The following UBAP2L variants were observed in gnomAD, a reference collection of about 807,000 sequenced individuals.
UBAP2L encodes ubiquitin-associated protein 2-like.
UBAP2L carries 12 observed loss-of-function variants against 130.6 expected under a neutral mutation model. The observed-to-expected ratio is 0.09, with a 90% CI of 0.06 to 0.15. UBAP2L has a LOEUF of 0.15. Among genes scored for constraint, UBAP2L ranks in the 10% least tolerant of loss-of-function variants. The pLI, the probability that UBAP2L is intolerant of heterozygous loss-of-function variation, is 1.00. For synonymous variants in UBAP2L, 503 were observed against 524.7 expected, an observed-to-expected ratio of 0.96 and a Z score of 0.57; for missense variants, 965 against 1,332.5, an observed-to-expected ratio of 0.72 and a Z score of 4.29.
At chr1:154,252,392 T>C (rs1040160235) in intron 14 of UBAP2L, among the ~76,000 whole-genome samples, 1 of 151,294 alleles carries the variant, frequency 6.6e-6, no homozygotes, top group Non-Finnish European at 1.5e-5. Context: ...GCAATTCTCC[T>C]GCCTCAGCTT....
chr1:154,235,342 A>G, intron 6 of UBAP2L, 51 bp downstream of exon 6: 1 of 710,420 alleles, frequency 1.4e-6, no homozygotes, highest in South Asian at 1.6e-5. Context: ...CTCTTTATTC[A>G]TTAATGGTCT....
chr1:154,239,630 A>G (rs1672835218), intron 8 of UBAP2L, among the ~76,000 whole-genome samples: 1 of 152,206 alleles, frequency 6.6e-6, no homozygotes, highest in Non-Finnish European at 1.5e-5. Context: ...CCTGAATAGG[A>G]ACATACCAGT....
At position 154,261,121 on chromosome 1, in the gene UBAP2L, G is replaced by T; in HGVS notation, c.2796+12G>T. The T allele has an allele frequency of 1.9e-6, 3 of 1,612,054 alleles. No homozygotes were observed. The highest frequency in any genetic ancestry group is 2.5e-6 in the Non-Finnish European group (3 of 1,178,698). Reference sequence around the variant, plus strand: ...CTGCTGTGTTCCCTGTGAGTACCTGGCTTTGGTCACTCCTTGTGGTGAAGG... The same window carrying T: ...CTGCTGTGTTCCCTGTGAGTACCTGTCTTTGGTCACTCCTTGTGGTGAAGG... On this transcript the variant is annotated intron_variant, in intron 23 of 26. Coordinates refer to ENST00000428931, the MANE Select transcript of UBAP2L (RefSeq NM_014847.4).
At chr1:154,234,332 C>T (rs1237270331) in intron 4 of UBAP2L, among the ~76,000 whole-genome samples, 1 of 151,844 alleles carries the variant, frequency 6.6e-6, no homozygotes, top group South Asian at 2.1e-4. Context: ...CACTGCACTC[C>T]AGCCTGGGCA....
chr1:154,267,667 G>GT (rs1295143985), intron 25 of UBAP2L, among the ~76,000 whole-genome samples: 1 of 151,396 alleles, frequency 6.6e-6, no homozygotes, highest in Non-Finnish European at 1.5e-5. Context: ...TTGTATTTTT[G>GT]TTTTTTGGTA....
At chr1:154,240,789 C>T (rs1323653911) in intron 8 of UBAP2L, among the ~76,000 whole-genome samples, 7 of 151,606 alleles carry the variant, frequency 4.6e-5, no homozygotes, top group Non-Finnish European at 8.8e-5. Context: ...AGACTGCCTA[C>T]AGTATTTTTT....
At chr1:154,242,415 A>G (rs1280969154) in intron 9 of UBAP2L, among the ~76,000 whole-genome samples, 7 of 152,132 alleles carry the variant, frequency 4.6e-5, no homozygotes, top group Admixed American at 2.6e-4. Flanking sequence ...ATTATTTTCT[A>G]TTGTATAATC....
chr1:154,220,362 C>G (rs1665480629), upstream of UBAP2L: 9 of 1,614,104 alleles, frequency 5.6e-6, no homozygotes, highest in African/African-American at 1.3e-5. Context: ...TAGGCCATCA[C>G]CAGCACGACA....
chr1:154,267,880 CTTTT>C lies in UBAP2L; in HGVS notation c.2971-854_2971-851del, dbSNP rs869153080. ...TCCACATTCCATCCTCTTATTTGGT[CTTTT>C]TTTTTTTTTTTTTTTTTTTTTTGAG... On this transcript the variant is annotated intron_variant, in intron 25 of 26. Transcript: ENST00000428931. Among the ~76,000 whole-genome samples, 29 of 52,084 alleles carry C rather than the reference CTTTT, an allele frequency of 5.6e-4. 1 individual carries two copies. Among genetic ancestry groups the C allele is most frequent in the Non-Finnish European group, 8.3e-4 (23 of 27,626 alleles). The allele number at this position is 52,084 out of a possible 152,430, so 34.2% of individuals were successfully genotyped here. A position where few individuals can be genotyped will look rare whatever the true frequency, so the allele number is the denominator to read the frequency against.
intron 1 of UBAP2L, among the ~76,000 whole-genome samples, chr1:154,223,117 G>T (rs1666827034): frequency 1.2e-5 from 1 of 84,758 alleles, no homozygotes; most frequent in East Asian, 2.2e-3. Context: ...GTCACTACTA[G>T]GTGGTAAAAA....
intron 22 of UBAP2L, among the ~76,000 whole-genome samples, chr1:154,260,618 C>T (rs979869238): frequency 4.6e-5 from 7 of 152,206 alleles, no homozygotes. Context: ...TGAAAGAGAA[C>T]ACAAGTGGGC....
At position 154,261,066 on chromosome 1, in the gene UBAP2L, C is replaced by T. The variant is rs1307338561; in HGVS notation, c.2753C>T (p.Pro918Leu). The change falls in exon 23 of 27, where the codon CCG becomes CTG. Residue 918 changes from proline to leucine, a missense_variant. Coordinates refer to ENST00000428931, the MANE Select transcript of UBAP2L (RefSeq NM_014847.4). The part of the protein sequence containing the change: ...YTSLPYYTGV[P>L]GLPSTFQYGP... Reference sequence around the variant, plus strand: ...AGCCTGCCATACTATACAGGGGTCCCGGGCCTCCCCAGCACCTTCCAGTAT... The same window carrying T: ...AGCCTGCCATACTATACAGGGGTCCTGGGCCTCCCCAGCACCTTCCAGTAT... The T allele has an allele frequency of 1.9e-6, 3 of 1,614,210 alleles. No homozygotes were observed. The highest frequency in any genetic ancestry group is 2.5e-6 in the Non-Finnish European group (3 of 1,180,032).
intron 4 of UBAP2L, among the ~76,000 whole-genome samples, chr1:154,233,084 G>C (rs919873169): frequency 1.3e-5 from 2 of 151,632 alleles, no homozygotes; most frequent in Non-Finnish European, 2.9e-5. Context: ...CAGGATCTCA[G>C]CTTACTGCAA....
At position 154,251,990 on chromosome 1, in the gene UBAP2L, T is replaced by G. The variant is rs549299094; in HGVS notation, c.1664+337T>G. Among the ~76,000 whole-genome samples the G allele has an allele frequency of 2.6e-5, 4 of 152,076 alleles. No individual in the cohort carries two copies. In the South Asian group the frequency reaches 8.3e-4, roughly 32 times the overall value. On this transcript the variant is annotated intron_variant, in intron 14 of 26. Transcript: ENST00000428931. Reference sequence around the variant, plus strand: ...TGTCTCTACAAAAAAAATTTTTTTTTAAACACAGAGTTTCACTCTGTTGCT... The same window carrying G: ...TGTCTCTACAAAAAAAATTTTTTTTGAAACACAGAGTTTCACTCTGTTGCT...
chr1:154,249,502 G>T (rs1283169271), intron 12 of UBAP2L, 65 bp downstream of exon 12: 16 of 1,596,506 alleles, frequency 1.0e-5, no homozygotes, highest in Non-Finnish European at 1.4e-5. Context: ...GAGGCTAGCA[G>T]GGGGAGGGGG....
intron 4 of UBAP2L, among the ~76,000 whole-genome samples, chr1:154,229,079 A>G (rs1056274703): frequency 6.6e-6 from 1 of 151,812 alleles, no homozygotes; most frequent in African/African-American, 2.4e-5. Context: ...AAAGTCACAC[A>G]CTATACTTGA....
At chr1:154,267,670 T>G (rs1055998930) in intron 25 of UBAP2L, among the ~76,000 whole-genome samples, 2 of 151,844 alleles carry the variant, frequency 1.3e-5, no homozygotes, top group African/African-American at 4.8e-5. Context: ...TATTTTTGTT[T>G]TTTGGTAGAT....
At chr1:154,227,196 G>A (rs557880397) in intron 2 of UBAP2L, 86 bp from the exon 3 acceptor site, 2 of 1,110,924 alleles carry the variant, frequency 1.8e-6, no homozygotes, top group Admixed American at 3.6e-5. Flanking sequence ...AAGAAAATTG[G>A]GGCAGTGGAG....
At chr1:154,255,531 C>A in intron 17 of UBAP2L, 152 bp from the exon 18 acceptor site, 1 of 1,096,002 alleles carries the variant, frequency 9.1e-7, no homozygotes, top group Non-Finnish European at 1.3e-6. Flanking sequence ...TAACTGCTCT[C>A]TACCCCTGGC....
Sources: allele counts gnomAD v4.1 joint callset (sites outside exome capture counted in the v4.1 genomes callset), GRCh38; gene constraint gnomAD v4.1.1; transcripts MANE v1.5; gene names NCBI Gene and HGNC (gene_info 2026-07-23, HGNC 2026-07-21).